SRSF3: variants seen among roughly 807,000 people sequenced by gnomAD.
The protein encoded by SRSF3 is serine/arginine-rich splicing factor 3.
For synonymous variants in SRSF3, 87 were observed against 73.6 expected, an observed-to-expected ratio of 1.18 and a Z score of -0.93; for missense variants, 58 against 217.1, an observed-to-expected ratio of 0.27 and a Z score of 4.61.
Position 36,601,756 on chromosome 6 carries a change from A to G in SRSF3, c.429A>G (p.Arg143=), listed in dbSNP as rs1582514617. The change falls in exon 5 of 6, where the codon AGA becomes AGG. Residue 143 remains arginine (R), a synonymous_variant. Transcript: ENST00000373715. ...RRRERSLSRE[R]NHKPSRSFSR... ...GAGAGAGATCGCTGTCTCGGGAGAGAAATCACAAGCCGTCCCGATCCTTCT... is the reference window on the plus strand; with the variant it reads ...GAGAGAGATCGCTGTCTCGGGAGAGGAATCACAAGCCGTCCCGATCCTTCT... 1 of 1,610,610 alleles carries G rather than the reference A, an allele frequency of 6.2e-7. No homozygotes were observed. The highest frequency in any genetic ancestry group is 8.5e-7 in the Non-Finnish European group (1 of 1,177,256).
In SRSF3 at chr6:36,603,642, A is replaced by G. The variant is rs559407697; in HGVS notation, c.*1653A>G. The G allele has an allele frequency of 1.0e-3, 231 of 230,000 alleles. No homozygotes were observed. Among genetic ancestry groups the G allele is most frequent in the South Asian group, 3.4e-3 (19 of 5,508 alleles). 14.2% of individuals were successfully genotyped at this position (230,000 alleles called of 1,614,324 possible). The stretch of plus-strand genomic sequence containing the variant: ...GGAAGGTTCAGCCTTAAAGTTAAGC[A>G]TGTTCAAGAAAGACACTTTTCAGAC... On this transcript the variant is annotated 3_prime_UTR_variant, in exon 6 of 6. Coordinates refer to ENST00000373715, the MANE Select transcript of SRSF3 (RefSeq NM_003017.5).
At chr6:36,597,303 A>G in intron 2 of SRSF3, 1 of 289,810 alleles carries the variant, frequency 3.5e-6, no homozygotes. Flanking sequence ...ATGGGGTTTC[A>G]CCATGTTGGC....
chr6:36,600,716 T>G (rs1778697183), intron 3 of SRSF3: 1 of 155,556 alleles, frequency 6.4e-6, no homozygotes, highest in South Asian at 2.0e-4. Context: ...TACCGCGTTT[T>G]CACAAAATTA....
At position 36,602,295 on chromosome 6, in the gene SRSF3, C is replaced by T. The variant is rs953802979; in HGVS notation, c.*306C>T. ...ATAATAAACCTCTAAACCTGCCCAGCGGAAGTGTGTTTTTTTTTAAATTTA... is the reference window on the plus strand; with the variant it reads ...ATAATAAACCTCTAAACCTGCCCAGTGGAAGTGTGTTTTTTTTTAAATTTA... On this transcript the variant is annotated 3_prime_UTR_variant, in exon 6 of 6. Transcript: ENST00000373715. 5.3e-5 allele frequency: 19 copies of T among 356,234 alleles called. No individual in the cohort carries two copies. Among genetic ancestry groups the T allele is most frequent in the African/African-American group, 2.9e-4 (14 of 47,588 alleles). 22.1% of individuals were successfully genotyped at this position (356,234 alleles called of 1,614,324 possible).
At chr6:36,601,262 T>G (rs960308876) in intron 4 of SRSF3, 72 bp downstream of exon 4, 41 of 1,523,994 alleles carry the variant, frequency 2.7e-5, no homozygotes, top group Non-Finnish European at 3.4e-5. Context: ...CTTTTCCAGG[T>G]GGCTTAGTTA....
intron 2 of SRSF3, among the ~76,000 whole-genome samples, chr6:36,598,163 G>A (rs1183997912): frequency 6.6e-6 from 1 of 152,156 alleles, no homozygotes; most frequent in Non-Finnish European, 1.5e-5. Flanking sequence ...TTCAAGGGAA[G>A]AAATCATAAT....
In SRSF3 at chr6:36,602,228, C is replaced by T. The variant is rs1006221782; in HGVS notation, c.*239C>T. The T allele has an allele frequency of 2.7e-6, 2 of 745,796 alleles. No homozygotes were observed. The highest frequency in any genetic ancestry group is 3.9e-6 in the Non-Finnish European group (2 of 514,374). The allele number at this position is 745,796 out of a possible 1,614,324, so 46.2% of individuals were successfully genotyped here. The stretch of plus-strand genomic sequence containing the variant: ...TGTTACTTTACAATGTTCCCTTAAG[C>T]AAAATTGAATTTGCTTTGAACTTTT... On this transcript the variant is annotated 3_prime_UTR_variant, in exon 6 of 6. Transcript: ENST00000373715.
In SRSF3 at chr6:36,601,698, G is replaced by T. The variant is rs1486293156; in HGVS notation, c.381-10G>T. The T allele has an allele frequency of 1.3e-6, 2 of 1,582,500 alleles. No individual in the cohort carries two copies. The highest frequency in any genetic ancestry group is 1.7e-5 in the Admixed American group (1 of 58,420). ...ACCTCATTGGTCCTAATGTTTTTTT[G>T]CTTGTTTAGGTCCCTTTCTAGAGAT... On this transcript the variant is annotated splice_polypyrimidine_tract_variant and intron_variant, in intron 4 of 5. Coordinates refer to ENST00000373715, the MANE Select transcript of SRSF3 (RefSeq NM_003017.5).
At chr6:36,597,159 C>G in intron 2 of SRSF3, 191 bp downstream of exon 2, 1 of 586,748 alleles carries the variant, frequency 1.7e-6, no homozygotes, top group Non-Finnish European at 2.9e-6. Context: ...GGCTGGAGTG[C>G]AGTGGTACAG....
In SRSF3 at chr6:36,605,102, C is replaced by G. The variant is rs1045742439; in HGVS notation, c.*3113C>G. ...TGTTGAATTTGATTTTATGTCCACT[C>G]TAATTTTTTTCATCCTGTTTTATTA... is the stretch of plus-strand genomic sequence containing the variant. On this transcript the variant is annotated 3_prime_UTR_variant, in exon 6 of 6. Transcript: ENST00000373715. 12 of 152,168 alleles carry G rather than the reference C, an allele frequency of 7.9e-5. No individual in the cohort carries two copies. Among genetic ancestry groups the G allele is most frequent in the Non-Finnish European group, 1.5e-4 (10 of 68,024 alleles). The allele number at this position is 152,168 out of a possible 1,614,324, so 9.4% of individuals were successfully genotyped here. A position where few individuals can be genotyped will look rare whatever the true frequency, so the allele number is the denominator to read the frequency against.
At chr6:36,601,106 A>G (rs768042539) in intron 3 of SRSF3, 46 bp from the exon 4 acceptor site, 2 of 1,589,210 alleles carry the variant, frequency 1.3e-6, no homozygotes, top group Non-Finnish European at 1.7e-6. Flanking sequence ...CTCACGCCAT[A>G]AATACTAATT....
intron 2 of SRSF3, among the ~76,000 whole-genome samples, chr6:36,597,956 G>C (rs1323549560): frequency 1.6e-4 from 25 of 152,060 alleles, no homozygotes; most frequent in Admixed American, 1.5e-3. Context: ...CAGCCTCTCT[G>C]AGTGCTGGGA....
intron 3 of SRSF3, chr6:36,600,935 C>G (rs1778700160): frequency 2.2e-6 from 1 of 449,724 alleles, no homozygotes; most frequent in Non-Finnish European, 3.9e-6. Context: ...GGTTGGAATA[C>G]CTGCTTTTCA....
At position 36,595,691 on chromosome 6, in the gene SRSF3, A is replaced by T. The variant is rs374688241; in HGVS notation, c.-2-1070A>T. Among the ~76,000 whole-genome samples the T allele has an allele frequency of 2.6e-5, 4 of 152,280 alleles. No individual in the cohort carries two copies. In the East Asian group the frequency reaches 7.7e-4, roughly 29 times the overall value. On this transcript the variant is annotated intron_variant, in intron 1 of 5. Coordinates refer to ENST00000373715, the MANE Select transcript of SRSF3 (RefSeq NM_003017.5). ...CATCATTCTGAATAATACTCATTTTATGTCTATACCACATTTTGCTTATCC... is the reference window on the plus strand; with the variant it reads ...CATCATTCTGAATAATACTCATTTTTTGTCTATACCACATTTTGCTTATCC...
In SRSF3 at chr6:36,604,767, A is replaced by G. The variant is rs544460304; in HGVS notation, c.*2778A>G. ...GAGGTATTTCAGAATAGATACAGCC[A>G]GACTCCAGGCTCATTGACTTAGTTT... On this transcript the variant is annotated 3_prime_UTR_variant, in exon 6 of 6. Transcript: ENST00000373715. 3.9e-5 allele frequency: 6 copies of G among 152,488 alleles called. No homozygotes were observed. The highest frequency in any genetic ancestry group is 8.8e-5 in the Non-Finnish European group (6 of 68,116). 9.4% of individuals were successfully genotyped at this position (152,488 alleles called of 1,614,324 possible).
chr6:36,601,329 C>CT (rs2127506541), intron 4 of SRSF3, 139 bp downstream of exon 4: 1 of 820,572 alleles, frequency 1.2e-6, no homozygotes, highest in African/African-American at 1.7e-5. Context: ...AGTCAGCTTT[C>CT]TTTGAGTTTT....
intron 2 of SRSF3, 22 bp downstream of exon 2, chr6:36,596,990 TA>T: frequency 6.2e-7 from 1 of 1,608,778 alleles, no homozygotes; most frequent in Non-Finnish European, 8.5e-7. Context: ...ATTACGCTGA[TA>T]AAAATGTGTT....
chr6:36,599,060 G>A, intron 3 of SRSF3, 77 bp downstream of exon 3: 1 of 1,537,812 alleles, frequency 6.5e-7, no homozygotes, highest in Non-Finnish European at 8.8e-7. Context: ...TCTTAAGTTT[G>A]TTGGTGGGTT....
Position 36,605,525 on chromosome 6 carries a change from A to G in SRSF3, c.*3536A>G, listed in dbSNP as rs539723353. 6.6e-6 allele frequency: 1 copy of G among 152,056 alleles called. No homozygotes were observed. Among genetic ancestry groups the G allele is most frequent in the Non-Finnish European group, 1.5e-5 (1 of 67,978 alleles). 9.4% of individuals were successfully genotyped at this position (152,056 alleles called of 1,614,324 possible). ...AAAAGTTTGTTTTGGTAAGCCTAGT[A>G]TAATTGATTAGTTTTGTCCATGCAA... On this transcript the variant is annotated 3_prime_UTR_variant, in exon 6 of 6. Coordinates refer to ENST00000373715, the MANE Select transcript of SRSF3 (RefSeq NM_003017.5).
Sources: allele counts gnomAD v4.1 joint callset (sites outside exome capture counted in the v4.1 genomes callset), GRCh38; gene constraint gnomAD v4.1.1; transcripts MANE v1.5; gene names NCBI Gene and HGNC (gene_info 2026-07-23, HGNC 2026-07-21).